CFAP20DC: variants seen among roughly 807,000 people sequenced by gnomAD.
CFAP20DC encodes the protein protein CFAP20DC.
A neutral mutation model predicts 101.7 loss-of-function variants in CFAP20DC; 84 were observed. That is an observed-to-expected ratio of 0.83 (90% CI 0.69 to 0.99). The LOEUF (loss-of-function observed/expected upper bound fraction) is 0.99. CFAP20DC is among the 50% of genes least tolerant of loss of function. The pLI, the probability that CFAP20DC is intolerant of heterozygous loss-of-function variation, is 0.00. For missense variants in CFAP20DC, 1,007 were observed against 970.3 expected, an observed-to-expected ratio of 1.04 and a Z score of -0.50; for synonymous variants, 359 against 351.2, an observed-to-expected ratio of 1.02 and a Z score of -0.25.
chr3:58,907,965 C>T (rs577052688), intron 6 of CFAP20DC, among the ~76,000 whole-genome samples: 2 of 152,252 alleles, frequency 1.3e-5, no homozygotes, highest in South Asian at 4.2e-4. Context: ...TCAGGCCTTC[C>T]AAATACCTGA....
At chr3:58,921,449 T>C (rs1174561238) in intron 5 of CFAP20DC, among the ~76,000 whole-genome samples, 1 of 152,186 alleles carries the variant, frequency 6.6e-6, no homozygotes, top group Non-Finnish European at 1.5e-5. Context: ...TTCAATATCA[T>C]TTAAAATCAG....
intron 15 of CFAP20DC, among the ~76,000 whole-genome samples, chr3:58,792,545 C>T (rs956068982): frequency 6.6e-6 from 1 of 152,042 alleles, no homozygotes; most frequent in African/African-American, 2.4e-5. Context: ...ATTAAAATCT[C>T]TATTTTACTT....
chr3:59,012,793 G>C (rs2093613390), intron 4 of CFAP20DC, among the ~76,000 whole-genome samples: 1 of 152,098 alleles, frequency 6.6e-6, no homozygotes, highest in Admixed American at 6.6e-5. Flanking sequence ...TAAGACTTGA[G>C]AGATGAGATT....
chr3:58,802,901 C>A (rs2073812800), intron 15 of CFAP20DC, among the ~76,000 whole-genome samples: 1 of 151,724 alleles, frequency 6.6e-6, no homozygotes, highest in Non-Finnish European at 1.5e-5. Context: ...AAATAAAAGT[C>A]TTTCCAGAAT....
At chr3:58,791,084 C>T (rs1331825188) in intron 15 of CFAP20DC, among the ~76,000 whole-genome samples, 1 of 152,126 alleles carries the variant, frequency 6.6e-6, no homozygotes, top group Non-Finnish European at 1.5e-5. Flanking sequence ...TTCTGCTGCA[C>T]TGAGCCTGCT....
chr3:58,810,827 C>A (rs2074557746), intron 14 of CFAP20DC, among the ~76,000 whole-genome samples: 1 of 151,692 alleles, frequency 6.6e-6, no homozygotes, highest in Non-Finnish European at 1.5e-5. Flanking sequence ...TCCAAAATCT[C>A]CTTAAGCTGA....
At chr3:58,968,491 T>C (rs1235662987) in intron 4 of CFAP20DC, among the ~76,000 whole-genome samples, 1 of 152,230 alleles carries the variant, frequency 6.6e-6, no homozygotes, top group Non-Finnish European at 1.5e-5. Flanking sequence ...CATATGTTTA[T>C]TGGCTACATG....
At chr3:58,848,993 G>C in intron 13 of CFAP20DC, 39 bp downstream of exon 13, 1 of 1,521,156 alleles carries the variant, frequency 6.6e-7, no homozygotes, top group East Asian at 2.5e-5. Context: ...ACAGCAGGAT[G>C]TATTGCCGGC....
At chr3:58,720,366 A>G (rs1328546164) in intron 3 of CFAP20DC, among the ~76,000 whole-genome samples, 1 of 152,190 alleles carries the variant, frequency 6.6e-6, no homozygotes, top group Non-Finnish European at 1.5e-5. Context: ...GAGAGTTGTC[A>G]AGATTGAGAT....
intron 16 of CFAP20DC, among the ~76,000 whole-genome samples, chr3:58,747,857 C>A (rs571790358): frequency 6.6e-6 from 1 of 152,188 alleles, no homozygotes; most frequent in South Asian, 2.1e-4. Context: ...CAAACATGTA[C>A]CCTCAAATGG....
At position 58,861,990 on chromosome 3, in the gene CFAP20DC, T is replaced by C; in HGVS notation, c.1593+1568A>G. ...AAGAAAGCATTAAGTGATATCAAAT[T>C]AAAATATTCAGAGCTAGTATTCTTC... On this transcript the variant is annotated intron_variant, in intron 12 of 16. Coordinates refer to ENST00000482387, the MANE Select transcript of CFAP20DC (RefSeq NM_001394063.1). This position sits in a 1 kb window ranked among gnomAD's most constrained non-coding sequence, Gnocchi z 4.0. The C allele has an allele frequency of 1.0e-6, 1 of 985,298 alleles. No homozygotes were observed. Among genetic ancestry groups the C allele is most frequent in the Non-Finnish European group, 1.2e-6 (1 of 829,774 alleles). 61.0% of individuals were successfully genotyped at this position (985,298 alleles called of 1,614,324 possible). A position where few individuals can be genotyped will look rare whatever the true frequency, so the allele number is the denominator to read the frequency against.
At chr3:58,818,223 C>T (rs1244681221) in intron 14 of CFAP20DC, among the ~76,000 whole-genome samples, 2 of 151,980 alleles carry the variant, frequency 1.3e-5, no homozygotes, top group South Asian at 2.1e-4. Context: ...TAGAAAGAAA[C>T]TGCATCGACT....
At chr3:58,947,756 A>G (rs1214201284) in intron 4 of CFAP20DC, among the ~76,000 whole-genome samples, 1 of 152,190 alleles carries the variant, frequency 6.6e-6, no homozygotes, top group Non-Finnish European at 1.5e-5. Context: ...AGTCTATTTC[A>G]GAGGTAATCT....
chr3:58,872,049 T>G (rs561943381), intron 7 of CFAP20DC, among the ~76,000 whole-genome samples: 11 of 152,306 alleles, frequency 7.2e-5, no homozygotes, highest in African/African-American at 2.4e-4. Context: ...GGACTACAAC[T>G]GAGGGGTTCT....
Position 58,964,633 on chromosome 3 carries a change from C to T in CFAP20DC, c.279-26871G>A, listed in dbSNP as rs1482029990. Among the ~76,000 whole-genome samples, 2 of 152,156 alleles carry T rather than the reference C, an allele frequency of 1.3e-5. No homozygotes were observed. Among genetic ancestry groups the T allele is most frequent in the Non-Finnish European group, 2.9e-5 (2 of 68,036 alleles). ...AATGCTGTGATTTTTAAGTTAACAC[C>T]TACCACTTACTAATAATAATTTGAA... On this transcript the variant is annotated intron_variant, in intron 4 of 16. Transcript: ENST00000482387. The surrounding 1 kb of genome is among the most constrained non-coding windows in gnomAD (Gnocchi z 4.1).
intron 5 of CFAP20DC, among the ~76,000 whole-genome samples, chr3:58,918,689 T>C (rs533287193): frequency 1.4e-3 from 213 of 152,218 alleles, no homozygotes; most frequent in Non-Finnish European, 2.7e-3. Flanking sequence ...TGGCAACTCC[T>C]TTGAAATATA....
intron 15 of CFAP20DC, among the ~76,000 whole-genome samples, chr3:58,789,412 TG>T (rs1368315646): frequency 6.6e-6 from 1 of 152,174 alleles, no homozygotes; most frequent in Non-Finnish European, 1.5e-5. Flanking sequence ...TTTTCATTAT[TG>T]TGTCAGATTA....
At position 58,800,270 on chromosome 3, in the gene CFAP20DC, G is replaced by T. The variant is rs561641057; in HGVS notation, c.2237+6125C>A. Among the ~76,000 whole-genome samples the T allele has an allele frequency of 5.3e-5, 8 of 152,322 alleles. No homozygotes were observed. The East Asian group carries it at 7.7e-4, about 15-fold the overall frequency. ...GCAGGTTTGGAGGTTTACAGTATTT[G>T]CCCAGGTGAGAGGTGATGGCAACCT... On this transcript the variant is annotated intron_variant, in intron 15 of 16. Coordinates refer to ENST00000482387, the MANE Select transcript of CFAP20DC (RefSeq NM_001394063.1).
In CFAP20DC at chr3:58,964,551, C is replaced by T. The variant is rs563721872; in HGVS notation, c.279-26789G>A. Among the ~76,000 whole-genome samples the T allele has an allele frequency of 2.0e-5, 3 of 152,284 alleles. No individual in the cohort carries two copies. The highest frequency in any genetic ancestry group is 6.5e-5 in the Admixed American group (1 of 15,280). On this transcript the variant is annotated intron_variant, in intron 4 of 16. Coordinates refer to ENST00000482387, the MANE Select transcript of CFAP20DC (RefSeq NM_001394063.1). This position sits in a 1 kb window ranked among gnomAD's most constrained non-coding sequence, Gnocchi z 4.1. ...GGTTTTAAGCTGGAAACAATGCTCT[C>T]GCCTGTGGCTTGTAATCCCCTTTTT... is the stretch of plus-strand genomic sequence containing the variant.
Sources: gnomAD v4.1 joint callset for allele counts (sites outside exome capture counted in the v4.1 genomes callset) on GRCh38, gnomAD v4.1.1 for gene constraint, Gnocchi (gnomAD v3.1) non-coding constraint, MANE v1.5 for transcripts, NCBI Gene and HGNC (gene_info 2026-07-23, HGNC 2026-07-21) for gene names.